PTPRT: variants seen among roughly 807,000 people sequenced by gnomAD.
The protein encoded by PTPRT is receptor-type tyrosine-protein phosphatase T.
In PTPRT, 56 loss-of-function variants were observed where a neutral mutation model predicts 176.8. That is an observed-to-expected ratio of 0.32 (90% CI 0.26 to 0.40). PTPRT has a LOEUF of 0.40. PTPRT is among the 10% of genes least tolerant of loss of function. The pLI is 1.00. For missense variants in PTPRT, 1,540 were observed against 1,908.2 expected (o/e 0.81, Z 3.60); for synonymous variants, 783 against 739.0 (o/e 1.06, Z -0.96).
At chr20:42,794,059 A>C (rs1325019348) in intron 2 of PTPRT, among the ~76,000 whole-genome samples, 1 of 152,178 alleles carries the variant, frequency 6.6e-6, no homozygotes, top group Non-Finnish European at 1.5e-5. Context: ...TCCTTCCACC[A>C]GTTCATGATC....
At chr20:42,736,198 G>A (rs1196181628) in intron 6 of PTPRT, among the ~76,000 whole-genome samples, 1 of 152,168 alleles carries the variant, frequency 6.6e-6, no homozygotes, top group African/African-American at 2.4e-5. Context: ...TTTCAGGTAA[G>A]ACTTCCCTGC....
chr20:42,508,143 G>C (rs2071883122), intron 7 of PTPRT, among the ~76,000 whole-genome samples: 1 of 150,878 alleles, frequency 6.6e-6, no homozygotes, highest in Non-Finnish European at 1.5e-5. Flanking sequence ...GTGTGTGTGT[G>C]TGTGTGTATT....
chr20:42,574,111 G>T (rs2073213810), intron 7 of PTPRT, among the ~76,000 whole-genome samples: 1 of 152,124 alleles, frequency 6.6e-6, no homozygotes, highest in African/African-American at 2.4e-5. Flanking sequence ...GAAGCATTGA[G>T]CCTGCCTATG....
chr20:42,095,545 C>T (rs1985117351), intron 27 of PTPRT, among the ~76,000 whole-genome samples: 1 of 152,236 alleles, frequency 6.6e-6, no homozygotes, highest in African/African-American at 2.4e-5. Flanking sequence ...GTGTTCTTCT[C>T]CATAGGGCCC....
At chr20:42,663,023 T>C (rs2075252800) in intron 7 of PTPRT, among the ~76,000 whole-genome samples, 1 of 152,090 alleles carries the variant, frequency 6.6e-6, no homozygotes, top group Non-Finnish European at 1.5e-5. Context: ...CATGAATATA[T>C]ATACATAATA....
At chr20:42,830,297 G>A (rs2078062652) in intron 2 of PTPRT, among the ~76,000 whole-genome samples, 1 of 152,140 alleles carries the variant, frequency 6.6e-6, no homozygotes, top group Admixed American at 6.5e-5. Context: ...TTCAACATGT[G>A]CAAATCAATA....
intron 9 of PTPRT, among the ~76,000 whole-genome samples, chr20:42,388,875 C>T (rs1252700745): frequency 6.6e-6 from 1 of 152,150 alleles, no homozygotes; most frequent in Non-Finnish European, 1.5e-5. Context: ...GGAACCAACC[C>T]AAATGTCCAT....
In PTPRT at chr20:42,238,696, T is replaced by C. The variant is rs182541708; in HGVS notation, c.2313-2438A>G. ...GATCTTTCAATTGCTCATTGTGACA[T>C]CTTGGGCAAGTAAGTTCTTCTTCTT... On this transcript the variant is annotated intron_variant, in intron 14 of 30. Coordinates refer to ENST00000373187, the MANE Select transcript of PTPRT (RefSeq NM_007050.6). Among the ~76,000 whole-genome samples, 28 of 152,316 alleles carry C rather than the reference T, an allele frequency of 1.8e-4. 1 individual carries two copies. In the East Asian group the frequency reaches 4.8e-3, roughly 26 times the overall value.
At chr20:42,571,156 G>A (rs771671088) in intron 7 of PTPRT, among the ~76,000 whole-genome samples, 4 of 152,308 alleles carry the variant, frequency 2.6e-5, no homozygotes, top group African/African-American at 4.8e-5. Flanking sequence ...AAAGTATTAC[G>A]CTTTGCATAA....
At chr20:42,293,544 A>T (rs931010542) in intron 12 of PTPRT, among the ~76,000 whole-genome samples, 1 of 152,158 alleles carries the variant, frequency 6.6e-6, no homozygotes, top group South Asian at 2.1e-4. Flanking sequence ...ATCCTCTTTC[A>T]TCATTTGTAT....
chr20:43,043,876 C>A (rs1986731724), intron 1 of PTPRT, among the ~76,000 whole-genome samples: 1 of 152,096 alleles, frequency 6.6e-6, no homozygotes, highest in Admixed American at 6.5e-5. Context: ...CATCACAAGG[C>A]TGGGAAGTGG....
At chr20:43,034,556 A>T (rs1986295459) in intron 1 of PTPRT, among the ~76,000 whole-genome samples, 1 of 151,284 alleles carries the variant, frequency 6.6e-6, no homozygotes, top group Non-Finnish European at 1.5e-5. Flanking sequence ...AAAAAAAAAA[A>T]ATTAAACAGC....
chr20:42,357,422 T>C (rs2058372891), intron 9 of PTPRT, among the ~76,000 whole-genome samples: 1 of 152,210 alleles, frequency 6.6e-6, no homozygotes, highest in Non-Finnish European at 1.5e-5. Flanking sequence ...CTTTTGCATG[T>C]CTAAATGAAT....
chr20:43,178,702 C>T (rs2015178993), intron 1 of PTPRT, among the ~76,000 whole-genome samples: 1 of 152,196 alleles, frequency 6.6e-6, no homozygotes, highest in South Asian at 2.1e-4. Context: ...CAACAACAGG[C>T]AGCAGCCCTG....
intron 12 of PTPRT, among the ~76,000 whole-genome samples, chr20:42,311,489 T>C (rs1400686283): frequency 2.6e-5 from 4 of 152,228 alleles, no homozygotes; most frequent in African/African-American, 7.2e-5. Context: ...TGAAATTTGC[T>C]GATAGTAAAT....
intron 6 of PTPRT, among the ~76,000 whole-genome samples, chr20:42,721,627 G>A (rs2076304844): frequency 6.6e-6 from 1 of 152,200 alleles, no homozygotes; most frequent in African/African-American, 2.4e-5. Context: ...GGGTGTGAAT[G>A]GACTGTGGGA....
chr20:42,732,340 A>C (rs1312165268), intron 6 of PTPRT, among the ~76,000 whole-genome samples: 1 of 152,194 alleles, frequency 6.6e-6, no homozygotes, highest in Non-Finnish European at 1.5e-5. Context: ...GATCAGTTTC[A>C]TTGACCCTTG....
At chr20:42,732,849 A>G (rs1003490640) in intron 6 of PTPRT, among the ~76,000 whole-genome samples, 1 of 152,196 alleles carries the variant, frequency 6.6e-6, no homozygotes, top group African/African-American at 2.4e-5. Flanking sequence ...TCAAGGTGAA[A>G]AGGGAATGCA....
Position 42,077,394 on chromosome 20 carries a change from T to G in PTPRT, c.*3485A>C, listed in dbSNP as rs1047015281. ...TTTCCTGGGCTTCTCATTACTTCCTTGCATCTTCCCCAAACAGAGCCCACA... is the reference window on the plus strand; with the variant it reads ...TTTCCTGGGCTTCTCATTACTTCCTGGCATCTTCCCCAAACAGAGCCCACA... On this transcript the variant is annotated 3_prime_UTR_variant, in exon 31 of 31. Coordinates refer to ENST00000373187, the MANE Select transcript of PTPRT (RefSeq NM_007050.6). The G allele has an allele frequency of 4.6e-6, 1 of 217,510 alleles. No homozygotes were observed. Among genetic ancestry groups the G allele is most frequent in the Non-Finnish European group, 9.2e-6 (1 of 108,190 alleles). The allele number at this position is 217,510 out of a possible 1,614,324, so 13.5% of individuals were successfully genotyped here.
Sources: gnomAD v4.1 joint callset for allele counts (sites outside exome capture counted in the v4.1 genomes callset) on GRCh38, gnomAD v4.1.1 for gene constraint, MANE v1.5 for transcripts, NCBI Gene and HGNC (gene_info 2026-07-23, HGNC 2026-07-21) for gene names.